The following MDGA2 variants were observed in gnomAD, a reference collection of about 807,000 sequenced individuals.
MDGA2 encodes the protein MAM domain containing glycosylphosphatidylinositol anchor 2, also known as MAM domain-containing glycosylphosphatidylinositol anchor protein 2.
Under a neutral mutation model 117.8 loss-of-function variants are expected in MDGA2, and 40 were observed. The ratio of observed to expected loss-of-function variants is 0.34; its 90% CI spans 0.26 to 0.44. MDGA2 has a LOEUF of 0.44. Ranked by LOEUF, MDGA2 falls within the 20% of genes least tolerant of loss-of-function variation. The probability of loss-of-function intolerance (pLI) is 1.00; values close to 1 mark genes in which losing one functional copy is unlikely to be tolerated. For synonymous variants in MDGA2, 452 were observed against 439.0 expected, an observed-to-expected ratio of 1.03 and a Z score of -0.37; for missense variants, 1,123 against 1,250.6, an observed-to-expected ratio of 0.90 and a Z score of 1.54.
chr14:47,008,017 AT>A (rs1225655046), intron 8 of MDGA2, among the ~76,000 whole-genome samples: 1 of 151,786 alleles, frequency 6.6e-6, no homozygotes, highest in Non-Finnish European at 1.5e-5. Context: ...TGTGACCTTT[AT>A]TTGTTTCTAC....
chr14:47,608,696 G>T (rs916408700), intron 1 of MDGA2, among the ~76,000 whole-genome samples: 1 of 152,112 alleles, frequency 6.6e-6, no homozygotes, highest in African/African-American at 2.4e-5. Flanking sequence ...AAAGTTCTAA[G>T]CAGCTGAAAG....
intron 1 of MDGA2, among the ~76,000 whole-genome samples, chr14:47,453,723 A>T (rs980335182): frequency 6.6e-6 from 1 of 152,212 alleles, no homozygotes; most frequent in Non-Finnish European, 1.5e-5. Context: ...AGTCATTCTG[A>T]TGAGTTGTTT....
chr14:47,610,343 G>A (rs1415469503), intron 1 of MDGA2, among the ~76,000 whole-genome samples: 1 of 151,854 alleles, frequency 6.6e-6, no homozygotes, highest in Non-Finnish European at 1.5e-5. Flanking sequence ...GAAAGTAAGG[G>A]CATCCAAACT....
rs528733401 is a variant in MDGA2 at position 46,954,970 on chromosome 14, C to A, written c.2089+2404G>T. Among the ~76,000 whole-genome samples the A allele has an allele frequency of 8.6e-5, 13 of 152,032 alleles. No homozygotes were observed. The South Asian group carries it at 2.7e-3, about 32-fold the overall frequency. On this transcript the variant is annotated intron_variant, in intron 9 of 16. Transcript: ENST00000399232. ...TAATCACTCTAGATTTACTGGTTTT[C>A]TTTTCTAGATCAAGAAATGTGATGG...
At chr14:47,520,609 G>C (rs1249801200) in intron 1 of MDGA2, among the ~76,000 whole-genome samples, 1 of 152,128 alleles carries the variant, frequency 6.6e-6, no homozygotes, top group Non-Finnish European at 1.5e-5. Flanking sequence ...AACAGATACA[G>C]AACACAGAAC....
At chr14:46,916,486 T>TA (rs982204927) in intron 10 of MDGA2, among the ~76,000 whole-genome samples, 3 of 152,174 alleles carry the variant, frequency 2.0e-5, no homozygotes, top group African/African-American at 7.2e-5. Context: ...AGGAATTTTT[T>TA]AAAAAAGAAC....
At chr14:47,387,828 G>A (rs1052152852) in intron 1 of MDGA2, among the ~76,000 whole-genome samples, 1 of 152,158 alleles carries the variant, frequency 6.6e-6, no homozygotes, top group Non-Finnish European at 1.5e-5. Flanking sequence ...CTGAGGATAC[G>A]TTTACGTGTA....
intron 6 of MDGA2, among the ~76,000 whole-genome samples, chr14:47,072,457 G>A (rs1890328784): frequency 6.6e-6 from 1 of 152,152 alleles, no homozygotes; most frequent in African/African-American, 2.4e-5. Flanking sequence ...TGGAGGAGTT[G>A]ATCTAAATTC....
At chr14:47,558,487 AAG>A (rs1895730925) in intron 1 of MDGA2, among the ~76,000 whole-genome samples, 1 of 152,230 alleles carries the variant, frequency 6.6e-6, no homozygotes, top group Non-Finnish European at 1.5e-5. Context: ...AACAACAGTC[AAG>A]TTTCCAAAAA....
intron 8 of MDGA2, among the ~76,000 whole-genome samples, chr14:47,028,943 C>T (rs980098886): frequency 1.3e-5 from 2 of 151,994 alleles, no homozygotes; most frequent in African/African-American, 4.8e-5. Flanking sequence ...TCAATAATTA[C>T]CTTGTCTTTG....
rs138118344 is a variant in MDGA2 at position 47,087,718 on chromosome 14, C to A, written c.1195+9136G>T. On this transcript the variant is annotated intron_variant, in intron 6 of 16. Coordinates refer to ENST00000399232, the MANE Select transcript of MDGA2 (RefSeq NM_001113498.3). The stretch of plus-strand genomic sequence containing the variant: ...AGTGAATCTGGGAATTAAGTACCTG[C>A]CACAACAAAGGAAAAAATGCTGAAT... Among the ~76,000 whole-genome samples, 379 of 151,068 alleles carry A rather than the reference C, an allele frequency of 2.5e-3. 3 individuals carry two copies. The highest frequency in any genetic ancestry group is 8.7e-3 in the African/African-American group (359 of 41,172).
At chr14:47,242,478 C>T (rs993559991) in intron 2 of MDGA2, among the ~76,000 whole-genome samples, 3 of 151,820 alleles carry the variant, frequency 2.0e-5, no homozygotes, top group Non-Finnish European at 4.4e-5. Flanking sequence ...CTGCGTGTGG[C>T]GCTTGCGGGG....
chr14:47,071,938 T>TA (rs1890296620), intron 6 of MDGA2, among the ~76,000 whole-genome samples: 1 of 152,132 alleles, frequency 6.6e-6, no homozygotes, highest in African/African-American at 2.4e-5. Context: ...CTAACTACTG[T>TA]AACTTTATAC....
At position 47,259,770 on chromosome 14, in the gene MDGA2, C is replaced by A. The variant is rs534024393; in HGVS notation, c.421-41575G>T. Among the ~76,000 whole-genome samples the A allele has an allele frequency of 2.2e-4, 34 of 152,070 alleles. No individual in the cohort carries two copies. In the South Asian group the frequency reaches 6.6e-3, roughly 30 times the overall value. On this transcript the variant is annotated intron_variant, in intron 2 of 16. Transcript: ENST00000399232. ...TGAAGTCATAGGAAAGTGAATTTTG[C>A]TAACTATGGAATCTGAGAGAGTAGA...
intron 7 of MDGA2, among the ~76,000 whole-genome samples, chr14:47,045,537 C>T (rs933243210): frequency 1.3e-5 from 2 of 151,192 alleles, no homozygotes; most frequent in African/African-American, 2.4e-5. Context: ...TCTGAAACAA[C>T]TAAGTAAACA....
chr14:46,993,603 A>C (rs1313683457), intron 8 of MDGA2, among the ~76,000 whole-genome samples: 1 of 151,900 alleles, frequency 6.6e-6, no homozygotes, highest in Non-Finnish European at 1.5e-5. Flanking sequence ...CTGGGATTAC[A>C]GGTGCATGCC....
intron 3 of MDGA2, among the ~76,000 whole-genome samples, chr14:47,178,532 A>C (rs1884569844): frequency 6.6e-6 from 1 of 152,174 alleles, no homozygotes; most frequent in African/African-American, 2.4e-5. Flanking sequence ...TGCATTGTTC[A>C]GTTAATTCAC....
chr14:47,158,006 T>TAA (rs1883468764), intron 3 of MDGA2, among the ~76,000 whole-genome samples: 1 of 148,980 alleles, frequency 6.7e-6, no homozygotes, highest in South Asian at 2.2e-4. Context: ...ACAGTATCTA[T>TAA]ACACACACAC....
chr14:47,662,376 T>C (rs1242791528), intron 1 of MDGA2, among the ~76,000 whole-genome samples: 2 of 152,174 alleles, frequency 1.3e-5, no homozygotes, highest in Admixed American at 1.3e-4. Flanking sequence ...ATTTGTATTA[T>C]GAATGTGTGT....
Sources: gnomAD v4.1 joint callset for allele counts (sites outside exome capture counted in the v4.1 genomes callset) on GRCh38, gnomAD v4.1.1 for gene constraint, MANE v1.5 for transcripts, NCBI Gene and HGNC (gene_info 2026-07-23, HGNC 2026-07-21) for gene names.